HPGD: variants seen among roughly 807,000 people sequenced by gnomAD.
HPGD encodes 15-hydroxyprostaglandin dehydrogenase, also known as 15-hydroxyprostaglandin dehydrogenase [NAD(+)].
In HPGD, 29 loss-of-function variants were observed where a neutral mutation model predicts 30.0. The observed-to-expected ratio is 0.97, with a 90% confidence interval of 0.72 to 1.32. The LOEUF is 1.32. HPGD is among the 40% of genes most tolerant of loss of function. HPGD has a pLI of 0.00. For missense variants in HPGD, 340 were observed against 322.1 expected, an observed-to-expected ratio of 1.06 and a Z score of -0.43; for synonymous variants, 99 against 112.4, an observed-to-expected ratio of 0.88 and a Z score of 0.75.
chr4:174,513,461 T>TA (rs1491175365), intron 3 of HPGD, among the ~76,000 whole-genome samples: 2 of 115,494 alleles, frequency 1.7e-5, no homozygotes, highest in Non-Finnish European at 3.6e-5. Flanking sequence ...AAAATGCATA[T>TA]TTTTTTTTTT....
At chr4:174,518,533 T>C (rs1016112684) in intron 2 of HPGD, among the ~76,000 whole-genome samples, 2 of 152,222 alleles carry the variant, frequency 1.3e-5, no homozygotes, top group Admixed American at 1.3e-4. Context: ...TAAGCCATAT[T>C]AAATTCATAA....
chr4:174,511,497 G>T (rs1735492271), intron 3 of HPGD, among the ~76,000 whole-genome samples: 2 of 152,134 alleles, frequency 1.3e-5, no homozygotes, highest in Non-Finnish European at 2.9e-5. Flanking sequence ...AACATATTTA[G>T]GTTTACAGAA....
At chr4:174,504,606 G>C (rs941861034) in intron 4 of HPGD, among the ~76,000 whole-genome samples, 11 of 150,946 alleles carry the variant, frequency 7.3e-5, no homozygotes, top group Middle Eastern at 3.2e-3. Flanking sequence ...TCAGGAGTTC[G>C]ATACCAGCCT....
chr4:174,497,562 T>C (rs1369822446), intron 4 of HPGD, among the ~76,000 whole-genome samples: 2 of 88,036 alleles, frequency 2.3e-5, no homozygotes, highest in Non-Finnish European at 2.5e-5. Context: ...TTCTTTCTTT[T>C]TCTTTCTTTT....
chr4:174,493,783 C>G (rs1734457493), intron 5 of HPGD, among the ~76,000 whole-genome samples: 1 of 152,150 alleles, frequency 6.6e-6, no homozygotes, highest in South Asian at 2.1e-4. Context: ...TTCAGACTAA[C>G]ATTATTTGGC....
intron 4 of HPGD, 53 bp downstream of exon 4, chr4:174,508,642 TG>T: frequency 1.0e-6 from 1 of 979,760 alleles, no homozygotes. Context: ...TTTGTTTTTG[TG>T]GTCCAAATTA....
In HPGD at chr4:174,491,990, T is replaced by C. The variant is rs774997078; in HGVS notation, c.767A>G (p.Tyr256Cys). Reference protein sequence around the residue: ...TTSKGIHFQDYDTTPFQAKTQ With the variant: ...TTSKGIHFQDCDTTPFQAKTQ ...TTTTGCTTGAAATGGAGTTGTATCATAGTCTTGAAAATGAATTCCCTTAGA... is the reference window on the plus strand; with the variant it reads ...TTTTGCTTGAAATGGAGTTGTATCACAGTCTTGAAAATGAATTCCCTTAGA... Residue 256 changes from tyrosine to cysteine, a missense_variant, in exon 7 of 7, where the codon TAT becomes TGT. Physicochemically the swap from Tyr to Cys is radical, Grantham distance 194. Transcript: ENST00000296522. 2.5e-6 allele frequency: 4 copies of C among 1,611,946 alleles called. No individual in the cohort carries two copies. In the African/African-American group the frequency reaches 5.3e-5, roughly 22 times the overall value.
chr4:174,501,144 A>G (rs1734881147), intron 4 of HPGD, among the ~76,000 whole-genome samples: 1 of 152,212 alleles, frequency 6.6e-6, no homozygotes, highest in Admixed American at 6.5e-5. Flanking sequence ...TGAAGTGTGT[A>G]AAACCAATGG....
intron 4 of HPGD, among the ~76,000 whole-genome samples, chr4:174,502,420 T>G (rs1434195166): frequency 6.6e-6 from 1 of 152,172 alleles, no homozygotes; most frequent in African/African-American, 2.4e-5. Context: ...GGCTGACGCC[T>G]GTAATCCCAG....
chr4:174,493,814 T>C (rs1242102584), intron 5 of HPGD, among the ~76,000 whole-genome samples: 1 of 152,208 alleles, frequency 6.6e-6, no homozygotes, highest in Non-Finnish European at 1.5e-5. Flanking sequence ...AACTATTGAT[T>C]TTATTTGCAA....
Position 174,518,092 on chromosome 4 carries a change from A to C in HPGD, c.218-15T>G, listed in dbSNP as rs1414382689. On this transcript the variant is annotated splice_polypyrimidine_tract_variant and intron_variant, in intron 2 of 6. Transcript: ENST00000296522. Reference sequence around the variant, plus strand: ...TCTAAAAGTGTCTAATTATAAAACAAGATATTAGTGATACATTCTTATTTT... The same window carrying C: ...TCTAAAAGTGTCTAATTATAAAACACGATATTAGTGATACATTCTTATTTT... 2 of 1,183,086 alleles carry C rather than the reference A, an allele frequency of 1.7e-6. No homozygotes were observed. The highest frequency in any genetic ancestry group is 2.3e-5 in the East Asian group (1 of 42,752). The allele number at this position is 1,183,086 out of a possible 1,614,324, so 73.3% of individuals were successfully genotyped here.
chr4:174,508,864 T>C, intron 3 of HPGD, 72 bp from the exon 4 acceptor site: 1 of 821,082 alleles, frequency 1.2e-6, no homozygotes. Flanking sequence ...CACCAAAGTT[T>C]TTATAGCTAT....
At position 174,507,741 on chromosome 4, in the gene HPGD, G is replaced by A. The variant is rs571542235; in HGVS notation, c.421+955C>T. Reference sequence around the variant, plus strand: ...TGATTTTTTCCTAGAGTTTTAAAAAGTAAAGTCACTTGACTCAGTTGCTCC... The same window carrying A: ...TGATTTTTTCCTAGAGTTTTAAAAAATAAAGTCACTTGACTCAGTTGCTCC... On this transcript the variant is annotated intron_variant, in intron 4 of 6. Coordinates refer to ENST00000296522, the MANE Select transcript of HPGD (RefSeq NM_000860.6). 10 of 180,406 alleles carry A rather than the reference G, an allele frequency of 5.5e-5. No individual in the cohort carries two copies. In the East Asian group the frequency reaches 6.9e-4, roughly 13 times the overall value. 11.2% of individuals were successfully genotyped at this position (180,406 alleles called of 1,614,324 possible). A position where few individuals can be genotyped will look rare whatever the true frequency, so the allele number is the denominator to read the frequency against.
chr4:174,498,840 T>G (rs1033658434), intron 4 of HPGD, among the ~76,000 whole-genome samples: 1 of 152,216 alleles, frequency 6.6e-6, no homozygotes, highest in African/African-American at 2.4e-5. Flanking sequence ...TGTAGAAATT[T>G]ACTACCTATA....
intron 1 of HPGD, 23 bp from the exon 2 acceptor site, chr4:174,522,090 C>T (rs762153120): frequency 5.0e-6 from 8 of 1,614,104 alleles, no homozygotes; most frequent in Admixed American, 1.7e-5. Flanking sequence ...GGAGAGGAAT[C>T]GCGGGCCTGC....
chr4:174,498,179 C>T (rs1033616286), intron 4 of HPGD, among the ~76,000 whole-genome samples: 2 of 148,502 alleles, frequency 1.3e-5, no homozygotes, highest in Non-Finnish European at 3.0e-5. Context: ...AACTACTGAG[C>T]TCAAGCAATG....
At chr4:174,509,017 T>G (rs943157501) in intron 3 of HPGD, among the ~76,000 whole-genome samples, 2 of 152,258 alleles carry the variant, frequency 1.3e-5, no homozygotes, top group African/African-American at 4.8e-5. Flanking sequence ...AAAACTTCAC[T>G]TAGTTGCCCA....
chr4:174,493,501 G>A, intron 5 of HPGD, 187 bp from the exon 6 acceptor site: 1 of 569,590 alleles, frequency 1.8e-6, no homozygotes, highest in Non-Finnish European at 3.1e-6. Flanking sequence ...ATTAATTCCT[G>A]AAAATCTCAC....
In HPGD at chr4:174,490,601, C is replaced by T. The variant is rs566737455; in HGVS notation, c.*1355G>A. ...GATGTTCACTACTTTGTCTTTAATA[C>T]ATTATATGAAAATCTAGACCAGAGT... On this transcript the variant is annotated 3_prime_UTR_variant, in exon 7 of 7. Coordinates refer to ENST00000296522, the MANE Select transcript of HPGD (RefSeq NM_000860.6). This position sits in a 1 kb window ranked among gnomAD's most constrained non-coding sequence, Gnocchi z 4.4. 5.1e-4 allele frequency: 77 copies of T among 152,392 alleles called. No individual in the cohort carries two copies. The highest frequency in any genetic ancestry group is 1.4e-3 in the African/African-American group (58 of 41,554). The allele number at this position is 152,392 out of a possible 1,614,324, so 9.4% of individuals were successfully genotyped here.
Sources: allele counts gnomAD v4.1 joint callset (sites outside exome capture counted in the v4.1 genomes callset), GRCh38; gene constraint gnomAD v4.1.1; non-coding constraint Gnocchi (gnomAD v3.1); transcripts MANE v1.5; gene names NCBI Gene and HGNC (gene_info 2026-07-23, HGNC 2026-07-21).